The following ELFN1 variants were observed in gnomAD, a reference collection of about 807,000 sequenced individuals.
ELFN1 encodes extracellular leucine rich repeat and fibronectin type III domain containing 1.
ELFN1 carries 6 observed loss-of-function variants against 7.6 expected under a neutral mutation model. The observed-to-expected ratio is 0.79, with a 90% CI of 0.43 to 1.56. ELFN1 has a LOEUF of 1.56. Ranked by LOEUF, ELFN1 falls within the 40% of genes most tolerant of loss-of-function variation. The probability of loss-of-function intolerance (pLI) is 0.01; values close to 1 mark genes in which losing one functional copy is unlikely to be tolerated. For missense variants in ELFN1, 1,169 were observed against 1,232.2 expected, an observed-to-expected ratio of 0.95 and a Z score of 0.77; for synonymous variants, 657 against 588.1, an observed-to-expected ratio of 1.12 and a Z score of -1.70.
At chr7:1,668,088 G>T (rs1778699471), upstream of ELFN1, among the ~76,000 whole-genome samples, 1 of 152,124 alleles carries the variant, frequency 6.6e-6, no homozygotes, top group Admixed American at 6.5e-5. Flanking sequence ...CTCAGGTTGC[G>T]GGATCTCGCC....
At chr7:1,728,743 G>A (rs1780260577) in intron 3 of ELFN1, among the ~76,000 whole-genome samples, 1 of 152,194 alleles carries the variant, frequency 6.6e-6, no homozygotes, top group African/African-American at 2.4e-5. Flanking sequence ...ACAGAGGCTG[G>A]GAAAGACCCA....
intron 3 of ELFN1, among the ~76,000 whole-genome samples, chr7:1,725,516 C>G (rs536394219): frequency 3.4e-4 from 52 of 152,248 alleles, no homozygotes; most frequent in Non-Finnish European, 4.7e-4. Flanking sequence ...ACACAGGCCT[C>G]CCTCCCGGGC....
In ELFN1 at chr7:1,744,620, G is replaced by A. The variant is rs754663020; in HGVS notation, c.24G>A (p.Ala8=). Residue 8 remains alanine, a synonymous_variant, in exon 4 of 4, where the codon GCG becomes GCA. Coordinates refer to ENST00000424383, the MANE Select transcript of ELFN1 (RefSeq NM_001128636.4). The stretch of plus-strand genomic sequence containing the variant: ...CGATGGCCGGGCGTGGGTGGGGCGC[G>A]CTGTGGGTGTGCGTGGCGGCCGCCA... MAGRGWG[A]LWVCVAAATL... 1.2e-5 allele frequency: 18 copies of A among 1,545,112 alleles called. No individual in the cohort carries two copies. The highest frequency in any genetic ancestry group is 4.8e-5 in the South Asian group (4 of 83,620).
At chr7:1,685,588 CAT>C in intron 1 of ELFN1, among the ~76,000 whole-genome samples, 2 of 152,086 alleles carry the variant, frequency 1.3e-5, no homozygotes, top group East Asian at 3.9e-4. Context: ...TGCAAGCCCT[CAT>C]GTAATGAATT....
intron 3 of ELFN1, among the ~76,000 whole-genome samples, chr7:1,721,947 G>C (rs1780035204): frequency 6.6e-6 from 1 of 152,152 alleles, no homozygotes; most frequent in African/African-American, 2.4e-5. Context: ...GAGGCCCCTG[G>C]CTTACGGCTC....
chr7:1,689,671 A>G (rs1159862004), intron 2 of ELFN1, among the ~76,000 whole-genome samples: 3 of 152,184 alleles, frequency 2.0e-5, no homozygotes, highest in Non-Finnish European at 4.4e-5. Flanking sequence ...AACATTATCC[A>G]TTTACAGCGC....
Position 1,746,861 on chromosome 7 carries a change from G to T in ELFN1, c.2265G>T (p.Pro755=), listed in dbSNP as rs1318563357. The T allele has an allele frequency of 5.8e-6, 9 of 1,540,318 alleles. No homozygotes were observed. The Admixed American group carries it at 6.0e-5, about 10-fold the overall frequency. The part of the protein sequence containing the change: ...PRDLAYSQLS[P]QYHSLSYSSS... The stretch of plus-strand genomic sequence containing the variant: ...ACCTCGCCTACTCGCAGCTGTCCCC[G>T]CAGTACCACAGCCTGAGCTACTCCT... Residue 755 remains proline (P), a synonymous_variant, in exon 4 of 4, where the codon CCG becomes CCT. Transcript: ENST00000424383.
At chr7:1,707,019 G>A (rs959451175) in intron 2 of ELFN1, among the ~76,000 whole-genome samples, 2 of 152,224 alleles carry the variant, frequency 1.3e-5, no homozygotes, top group African/African-American at 2.4e-5. Context: ...ACACGTACAC[G>A]TGTACACATG....
intron 3 of ELFN1, among the ~76,000 whole-genome samples, chr7:1,713,746 T>TG (rs1293966374): frequency 1.2e-4 from 18 of 152,084 alleles, no homozygotes; most frequent in Admixed American, 2.6e-4. Flanking sequence ...TTTCCCTCTC[T>TG]GGGGAGGGGG....
chr7:1,667,900 A>G (rs1184969292), upstream of ELFN1, among the ~76,000 whole-genome samples: 20 of 116,774 alleles, frequency 1.7e-4, no homozygotes, highest in African/African-American at 6.0e-4. The surrounding 1 kb of genome is among the most constrained non-coding windows in gnomAD (Gnocchi z 8.2). Flanking sequence ...GCCACGGGGG[A>G]GGGGCGACCC....
chr7:1,688,031 AT>A (rs35887249), intron 1 of ELFN1, 26 bp from the exon 2 acceptor site: 3,825 of 130,392 alleles, frequency 0.029, 61 homozygotes, highest in African/African-American at 0.091. Context: ...TGCCTGGCTA[AT>A]TTTTTTTTTT....
chr7:1,689,640 A>T (rs2128579402), intron 2 of ELFN1, among the ~76,000 whole-genome samples: 1 of 152,268 alleles, frequency 6.6e-6, no homozygotes, highest in South Asian at 2.1e-4. Context: ...CCTTATTTTT[A>T]ATCATGTTGA....
chr7:1,677,364 C>A (rs1262636613), intron 1 of ELFN1, among the ~76,000 whole-genome samples: 1 of 152,188 alleles, frequency 6.6e-6, no homozygotes, highest in African/African-American at 2.4e-5. Flanking sequence ...GTATCCGGCA[C>A]CCCGGCTTCC....
intron 3 of ELFN1, among the ~76,000 whole-genome samples, chr7:1,726,841 C>T (rs1043536066): frequency 6.6e-6 from 1 of 152,222 alleles, no homozygotes; most frequent in African/African-American, 2.4e-5. Context: ...CGCCCCTGCA[C>T]GTCCCGATTC....
At chr7:1,693,278 T>C in intron 2 of ELFN1, 1 of 450,812 alleles carries the variant, frequency 2.2e-6, no homozygotes, top group Non-Finnish European at 4.7e-6. Flanking sequence ...GAGGATGTAC[T>C]GGCTGGGGAA....
intron 3 of ELFN1, among the ~76,000 whole-genome samples, chr7:1,725,517 C>A (rs962825012): frequency 2.6e-5 from 4 of 152,126 alleles, no homozygotes; most frequent in Admixed American, 6.5e-5. Context: ...CACAGGCCTC[C>A]CTCCCGGGCC....
In ELFN1 at chr7:1,745,417, G is replaced by T. The variant is rs774216724; in HGVS notation, c.821G>T (p.Arg274Leu). ...RPASGRSQPG[R>L]SPPPPPPPEP... ...GCATCCGGGCGCTCACAGCCGGGCCGCTCCCCGCCGCCCCCGCCTCCGCCG... is the reference window on the plus strand; with the variant it reads ...GCATCCGGGCGCTCACAGCCGGGCCTCTCCCCGCCGCCCCCGCCTCCGCCG... Residue 274 changes from arginine (R) to leucine (L), a missense_variant, in exon 4 of 4, where the codon CGC becomes CTC. Physicochemically the swap from Arg to Leu is moderately radical, Grantham distance 102 (BLOSUM62 -2). Coordinates refer to ENST00000424383, the MANE Select transcript of ELFN1 (RefSeq NM_001128636.4). 8 of 1,538,822 alleles carry T rather than the reference G, an allele frequency of 5.2e-6. No individual in the cohort carries two copies. The African/African-American group carries it at 8.2e-5, about 16-fold the overall frequency.
intron 1 of ELFN1, among the ~76,000 whole-genome samples, chr7:1,687,634 T>A (rs1428597361): frequency 6.6e-6 from 1 of 152,152 alleles, no homozygotes; most frequent in Non-Finnish European, 1.5e-5. Context: ...AGGGGTAAGA[T>A]CAACTGGATT....
chr7:1,732,454 G>A (rs901245064), intron 3 of ELFN1, among the ~76,000 whole-genome samples: 3 of 152,164 alleles, frequency 2.0e-5, no homozygotes, highest in African/African-American at 4.8e-5. Flanking sequence ...AGATGCTCCA[G>A]CCTGGGTGGA....
Sources: allele counts gnomAD v4.1 joint callset (sites outside exome capture counted in the v4.1 genomes callset), GRCh38; gene constraint gnomAD v4.1.1; non-coding constraint Gnocchi (gnomAD v3.1); transcripts MANE v1.5; gene names NCBI Gene and HGNC (gene_info 2026-07-23, HGNC 2026-07-21).